The following EDARADD variants were observed in gnomAD, a reference collection of about 807,000 sequenced individuals.
The protein encoded by EDARADD is EDAR associated via death domain.
EDARADD carries 20 observed loss-of-function variants against 25.6 expected under a neutral mutation model. That is an observed-to-expected ratio of 0.78 (90% CI 0.55 to 1.14). The LOEUF (loss-of-function observed/expected upper bound fraction) is 1.14. Among genes scored for constraint, EDARADD ranks in the 50% most tolerant of loss-of-function variants. The pLI, the probability that EDARADD is intolerant of heterozygous loss-of-function variation, is 0.00. For missense variants in EDARADD, 225 were observed against 270.1 expected (o/e 0.83, Z 1.17); for synonymous variants, 86 against 94.4 (o/e 0.91, Z 0.52).
intron 5 of EDARADD, among the ~76,000 whole-genome samples, chr1:236,472,721 AGCTTTAAAGGATT>A (rs1400806451): frequency 6.6e-6 from 1 of 152,036 alleles, no homozygotes; most frequent in Non-Finnish European, 1.5e-5. Context: ...CTAGGATGGG[AGCTTTAAAGGATT>A]ACCTCATTTA....
chr1:236,445,287 GTGCAATCTCAGCTCAC>G (rs1658505678), intron 4 of EDARADD, among the ~76,000 whole-genome samples: 2 of 125,582 alleles, frequency 1.6e-5, no homozygotes, highest in Admixed American at 1.0e-4. Context: ...GAGTGCAGTG[GTGCAATCTCAGCTCAC>G]TGCAACCTCC....
At chr1:236,456,442 C>A (rs1448179786) in intron 4 of EDARADD, among the ~76,000 whole-genome samples, 2 of 152,206 alleles carry the variant, frequency 1.3e-5, no homozygotes, top group East Asian at 3.8e-4. Flanking sequence ...CATAGAACTT[C>A]TCTTTCCATC....
rs1406050314 is a variant in EDARADD, at chr1:236,419,219, C to G, written c.160+4920C>G. On this transcript the variant is annotated intron_variant, in intron 3 of 5. Transcript: ENST00000334232. ...CTGAGCAACATAGTGAGACTCCTAT[C>G]GCTCCAAAAAGAAAAAAAAAGTTAA... Among the ~76,000 whole-genome samples, 3 of 151,674 alleles carry G rather than the reference C, an allele frequency of 2.0e-5. No homozygotes were observed. In the South Asian group the frequency reaches 6.3e-4, roughly 32 times the overall value.
intron 3 of EDARADD, among the ~76,000 whole-genome samples, chr1:236,377,225 G>A (rs1167577077): frequency 1.3e-5 from 2 of 150,666 alleles, no homozygotes; most frequent in African/African-American, 2.4e-5. Context: ...GCATGATCTC[G>A]GTTCACTGCA....
intron 3 of EDARADD, among the ~76,000 whole-genome samples, chr1:236,372,059 C>T (rs1173825470): frequency 1.3e-5 from 2 of 152,024 alleles, no homozygotes; most frequent in African/African-American, 4.8e-5. Context: ...CGGGTTCAAG[C>T]AATTCTATTG....
intron 3 of EDARADD, among the ~76,000 whole-genome samples, chr1:236,383,924 C>T (rs748281087): frequency 6.6e-6 from 1 of 152,088 alleles, no homozygotes; most frequent in Non-Finnish European, 1.5e-5. Flanking sequence ...ATCACTTGAG[C>T]CCCGGTAGGT....
Position 236,484,621 on chromosome 1 carries a change from C to T in EDARADD, c.*1972C>T, listed in dbSNP as rs1659780092. The stretch of plus-strand genomic sequence containing the variant: ...CACCGCCGTGGAGTTCGCACCTCTT[C>T]CTTAGAACTTCTACAGAAGCAGGTT... On this transcript the variant is annotated 3_prime_UTR_variant, in exon 6 of 6. Transcript: ENST00000334232. This position sits in a 1 kb window ranked among gnomAD's most constrained non-coding sequence, Gnocchi z 4.1. The T allele has an allele frequency of 5.2e-6, 3 of 571,804 alleles. No individual in the cohort carries two copies. The highest frequency in any genetic ancestry group is 1.9e-5 in the South Asian group (1 of 52,342). The allele number at this position is 571,804 out of a possible 1,614,324, so 35.4% of individuals were successfully genotyped here.
At chr1:236,442,043 A>G (rs780750733) in intron 4 of EDARADD, among the ~76,000 whole-genome samples, 6 of 152,222 alleles carry the variant, frequency 3.9e-5, no homozygotes, top group Non-Finnish European at 7.3e-5. Context: ...AAACTGATGA[A>G]GGTAGCTATA....
chr1:236,454,058 T>C (rs1253625), intron 4 of EDARADD, among the ~76,000 whole-genome samples: 61,244 of 151,850 alleles, frequency 0.4, 15,030 homozygotes, highest in Non-Finnish European at 0.56. Flanking sequence ...TTTTCTTTTC[T>C]TTTTTGAGAC....
chr1:236,477,863 G>T (rs1486606748), intron 5 of EDARADD, among the ~76,000 whole-genome samples: 2 of 152,204 alleles, frequency 1.3e-5, no homozygotes, highest in South Asian at 2.1e-4. Flanking sequence ...AGCACATTGG[G>T]AGGCTGAGGC....
intron 5 of EDARADD, among the ~76,000 whole-genome samples, chr1:236,480,093 T>C (rs1296855280): frequency 1.3e-5 from 1 of 77,078 alleles, no homozygotes; most frequent in Non-Finnish European, 2.4e-5. Flanking sequence ...CTTTTAAGTA[T>C]GCCATATATA....
chr1:236,467,051 G>A (rs895724367), intron 4 of EDARADD, among the ~76,000 whole-genome samples: 1 of 150,640 alleles, frequency 6.6e-6, no homozygotes, highest in African/African-American at 2.5e-5. Context: ...GGGCGACAGA[G>A]CAAGACTCCG....
At chr1:236,441,219 A>G (rs116530569) in intron 4 of EDARADD, among the ~76,000 whole-genome samples, 4,891 of 149,114 alleles carry the variant, frequency 0.033, 213 homozygotes, top group African/African-American at 0.097. Context: ...TACCCACAAC[A>G]TTCCCATAAG....
chr1:236,403,278 GCTTTTTTCTTTT>G (rs1266401821), intron 1 of EDARADD, among the ~76,000 whole-genome samples: 1 of 150,370 alleles, frequency 6.7e-6, no homozygotes, highest in Admixed American at 6.6e-5. Context: ...AGCTTTGAAA[GCTTTTTTCTTTT>G]CTTTTTTCTT....
intron 3 of EDARADD, among the ~76,000 whole-genome samples, chr1:236,381,801 C>T (rs371677700): frequency 0.01 from 427 of 41,958 alleles, 2 homozygotes; most frequent in South Asian, 0.024. Flanking sequence ...CCTGTGGTTG[C>T]TTTTTTTTTT....
intron 2 of EDARADD, 69 bp from the exon 3 acceptor site, chr1:236,414,191 A>C (rs1657574334): frequency 2.2e-6 from 3 of 1,381,516 alleles, no homozygotes; most frequent in Middle Eastern, 1.8e-4. Flanking sequence ...TCCCAAGACA[A>C]AGCTTTCTTT....
intron 1 of EDARADD, among the ~76,000 whole-genome samples, chr1:236,405,777 C>CTT (rs1553265505): frequency 0.011 from 734 of 68,108 alleles, 18 homozygotes; most frequent in South Asian, 0.033. Flanking sequence ...TTCTTTCTTT[C>CTT]TTTCTTTCTT....
At chr1:236,378,316 C>G (rs1358885423) in intron 3 of EDARADD, among the ~76,000 whole-genome samples, 2 of 152,144 alleles carry the variant, frequency 1.3e-5, no homozygotes, top group Non-Finnish European at 2.9e-5. Flanking sequence ...CTGTGTGAAC[C>G]TGGGGGAGCT....
intron 3 of EDARADD, among the ~76,000 whole-genome samples, chr1:236,351,614 G>C (rs1666915889): frequency 6.6e-6 from 1 of 151,872 alleles, no homozygotes; most frequent in Admixed American, 6.6e-5. Flanking sequence ...GGAGGCTGAG[G>C]CAGGAGAATC....
Sources: allele counts gnomAD v4.1 joint callset (sites outside exome capture counted in the v4.1 genomes callset), GRCh38; gene constraint gnomAD v4.1.1; non-coding constraint Gnocchi (gnomAD v3.1); transcripts MANE v1.5; gene names NCBI Gene and HGNC (gene_info 2026-07-23, HGNC 2026-07-21).